Variants in ZNF627 observed in about 807,000 individuals in gnomAD.
ZNF627 encodes zinc finger protein 627.
A neutral mutation model predicts 10.6 loss-of-function variants in ZNF627; 12 were observed. That is an observed-to-expected ratio of 1.13 (90% CI 0.73 to 1.84). The LOEUF (loss-of-function observed/expected upper bound fraction) is 1.84. Among genes scored for constraint, ZNF627 ranks in the 40% most tolerant of loss-of-function variants. ZNF627 has a pLI of 0.00. For synonymous variants in ZNF627, 176 were observed against 187.1 expected (o/e 0.94, Z 0.48); for missense variants, 504 against 568.4 (o/e 0.89, Z 1.15).
intron 1 of ZNF627, among the ~76,000 whole-genome samples, chr19:11,605,085 T>C (rs933442617): frequency 5.0e-5 from 7 of 141,016 alleles, no homozygotes; most frequent in African/African-American, 1.1e-4. Context: ...TCTTTCTTTT[T>C]TTTTTTTTTT....
In ZNF627 at chr19:11,597,565, G is replaced by T. The variant is rs1317307050; in HGVS notation, c.-63G>T. 2.3e-6 allele frequency: 3 copies of T among 1,307,778 alleles called. No individual in the cohort carries two copies. Among genetic ancestry groups the T allele is most frequent in the African/African-American group, 3.0e-5 (2 of 66,312 alleles). 81.0% of individuals were successfully genotyped at this position (1,307,778 alleles called of 1,614,324 possible). On this transcript the variant is annotated 5_prime_UTR_variant, in exon 1 of 4. Transcript: ENST00000361113. ...GTGTCTCCGCCGCAGCCTCTGTCGC[G>T]CCGTGACCTGTACAGGTCGCGGGAG...
Position 11,618,002 on chromosome 19 carries a change from T to C in ZNF627, c.*113T>C, listed in dbSNP as rs1973910143. On this transcript the variant is annotated 3_prime_UTR_variant, in exon 4 of 4. Coordinates refer to ENST00000361113, the MANE Select transcript of ZNF627 (RefSeq NM_145295.4). Reference sequence around the variant, plus strand: ...AAGGATTCACAGTGGAGAAAGACCCTGTAAGATAATTGGCTTTAAATTACG... The same window carrying C: ...AAGGATTCACAGTGGAGAAAGACCCCGTAAGATAATTGGCTTTAAATTACG... The C allele has an allele frequency of 1.1e-6, 1 of 893,752 alleles. No individual in the cohort carries two copies. The highest frequency in any genetic ancestry group is 1.6e-6 in the Non-Finnish European group (1 of 617,842). 55.4% of individuals were successfully genotyped at this position (893,752 alleles called of 1,614,324 possible).
Position 11,616,783 on chromosome 19 carries a change from A to G in ZNF627, c.280A>G (p.Lys94Glu). Residue 94 changes from lysine to glutamate, a missense_variant, in exon 4 of 4, where the codon AAA (lysine) becomes GAA (glutamate). Transcript: ENST00000361113. ...GATTCCAGATGGTATTCTGAACAAG[A>G]AAACTCCTGGAGTAAAACCGTGTGA... Reference protein sequence around the residue: ...SQIPDGILNKKTPGVKPCESS... With the variant: ...SQIPDGILNKETPGVKPCESS... 1 of 1,614,002 alleles carries G rather than the reference A, an allele frequency of 6.2e-7. No individual in the cohort carries two copies. The highest frequency in any genetic ancestry group is 2.2e-5 in the East Asian group (1 of 44,882).
chr19:11,609,810 G>A (rs140809814), intron 1 of ZNF627, among the ~76,000 whole-genome samples: 100 of 151,888 alleles, frequency 6.6e-4, no homozygotes, highest in Non-Finnish European at 1.0e-3. Context: ...GAGCCACCGC[G>A]CCTGTAATTT....
intron 1 of ZNF627, among the ~76,000 whole-genome samples, chr19:11,613,671 G>A (rs1029567122): frequency 1.3e-5 from 2 of 151,006 alleles, no homozygotes; most frequent in African/African-American, 4.9e-5. Flanking sequence ...TTTACACTTA[G>A]CCTTTAGTAA....
chr19:11,611,868 A>G (rs1156927939), intron 1 of ZNF627, among the ~76,000 whole-genome samples: 1 of 152,098 alleles, frequency 6.6e-6, no homozygotes, highest in Non-Finnish European at 1.5e-5. Context: ...TGTTTTGGGG[A>G]AAAACTGGGT....
rs748398315 is a variant in ZNF627, at chr19:11,616,748, C to A, written c.245C>A (p.Thr82Asn). The change falls in exon 4 of 4, where the codon ACC (threonine) becomes AAC (asparagine). Residue 82 changes from threonine (T) to asparagine (N), a missense_variant. Coordinates refer to ENST00000361113, the MANE Select transcript of ZNF627 (RefSeq NM_145295.4). The part of the protein sequence containing the change: ...ESKEGGQGEE[T>N]FSQIPDGILN... The stretch of plus-strand genomic sequence containing the variant: ...AAAGAAGGTGGTCAAGGTGAAGAAA[C>A]CTTCAGCCAGATTCCAGATGGTATT... 5.0e-6 allele frequency: 8 copies of A among 1,611,906 alleles called. No homozygotes were observed. Among genetic ancestry groups the A allele is most frequent in the African/African-American group, 1.3e-5 (1 of 74,852 alleles).
chr19:11,600,168 C>T (rs1410228008), intron 1 of ZNF627, among the ~76,000 whole-genome samples: 2 of 152,170 alleles, frequency 1.3e-5, no homozygotes, highest in Middle Eastern at 3.4e-3. Context: ...TGGCTGGGCG[C>T]GATGGCTCAC....
intron 1 of ZNF627, 23 bp from the exon 2 acceptor site, chr19:11,614,504 T>C: frequency 6.2e-7 from 1 of 1,613,618 alleles, no homozygotes; most frequent in African/African-American, 1.3e-5. Flanking sequence ...ACCTTCCTCC[T>C]CCACACATGG....
At chr19:11,600,421 CAG>C (rs1212762772) in intron 1 of ZNF627, among the ~76,000 whole-genome samples, 1 of 151,908 alleles carries the variant, frequency 6.6e-6, no homozygotes, top group Admixed American at 6.6e-5. Flanking sequence ...GCCTGGGCAA[CAG>C]AGCAAGACTC....
chr19:11,611,986 G>A (rs941571575), intron 1 of ZNF627, among the ~76,000 whole-genome samples: 1 of 151,992 alleles, frequency 6.6e-6, no homozygotes, highest in African/African-American at 2.4e-5. Context: ...ACTAGTATAG[G>A]ATTTTAGTCC....
chr19:11,617,154 C>T lies in ZNF627; in HGVS notation c.651C>T (p.His217=), dbSNP rs544843759. The change falls in exon 4 of 4, where the codon CAC becomes CAT. Residue 217 remains histidine (H), a synonymous_variant. Coordinates refer to ENST00000361113, the MANE Select transcript of ZNF627 (RefSeq NM_145295.4). ...TATTTCGTATACATGAAAGAAGTCA[C>T]ACTGGAGAGAAACCTTATGAATGCA... ...PSLFRIHERS[H]TGEKPYECKQ... is the part of the protein sequence containing the mutation. The T allele has an allele frequency of 1.9e-5, 30 of 1,613,856 alleles. No homozygotes were observed. In the South Asian group the frequency reaches 2.6e-4, roughly 14 times the overall value.
chr19:11,607,599 G>A (rs781267603), intron 1 of ZNF627, among the ~76,000 whole-genome samples: 39 of 152,160 alleles, frequency 2.6e-4, no homozygotes, highest in African/African-American at 6.0e-4. Flanking sequence ...GCAAAATGCC[G>A]CCAGTCTCTT....
At chr19:11,615,052 T>G (rs535536501) in intron 3 of ZNF627, among the ~76,000 whole-genome samples, 165 bp downstream of exon 3, 1 of 151,698 alleles carries the variant, frequency 6.6e-6, no homozygotes, top group South Asian at 2.1e-4. Flanking sequence ...GTTCAAGTGA[T>G]TCTCCTGCCT....
chr19:11,597,620 G>C lies in ZNF627; in HGVS notation c.-8G>C. On this transcript the variant is annotated 5_prime_UTR_variant, in exon 1 of 4. Transcript: ENST00000361113. ...AGGGAGGACGCCGGGACACCTGGAA[G>C]CCGAGAAATGGTGCGTGTGAGGGGT... The C allele has an allele frequency of 7.5e-7, 1 of 1,334,308 alleles. No individual in the cohort carries two copies. Among genetic ancestry groups the C allele is most frequent in the Non-Finnish European group, 9.7e-7 (1 of 1,035,782 alleles). The allele number at this position is 1,334,308 out of a possible 1,614,324, so 82.7% of individuals were successfully genotyped here. A position where few individuals can be genotyped will look rare whatever the true frequency, so the allele number is the denominator to read the frequency against.
intron 1 of ZNF627, among the ~76,000 whole-genome samples, chr19:11,606,161 G>A (rs1053412172): frequency 6.6e-6 from 1 of 152,012 alleles, no homozygotes; most frequent in African/African-American, 2.4e-5. Context: ...CTAACATGGT[G>A]AAACCCTGTC....
At chr19:11,601,059 T>G (rs1438360508) in intron 1 of ZNF627, among the ~76,000 whole-genome samples, 2 of 152,318 alleles carry the variant, frequency 1.3e-5, no homozygotes, top group Non-Finnish European at 2.9e-5. Flanking sequence ...GACTTGAAAC[T>G]AAGACCAATC....
chr19:11,612,970 C>A (rs1973799025), intron 1 of ZNF627, among the ~76,000 whole-genome samples: 1 of 151,360 alleles, frequency 6.6e-6, no homozygotes, highest in African/African-American at 2.4e-5. Context: ...CATCTTTGTA[C>A]TCATGTCATC....
At chr19:11,611,305 A>G (rs900916488) in intron 1 of ZNF627, among the ~76,000 whole-genome samples, 2 of 151,918 alleles carry the variant, frequency 1.3e-5, no homozygotes, top group African/African-American at 4.8e-5. Flanking sequence ...GCCTTTTCCC[A>G]GTGTTGATAG....
Sources: allele counts gnomAD v4.1 joint callset (sites outside exome capture counted in the v4.1 genomes callset), GRCh38; gene constraint gnomAD v4.1.1; transcripts MANE v1.5; gene names NCBI Gene and HGNC (gene_info 2026-07-23, HGNC 2026-07-21).